CAP2: variants seen among roughly 807,000 people sequenced by gnomAD.
CAP2 encodes cyclase associated actin cytoskeleton regulatory protein 2.
Under a neutral mutation model 57.7 loss-of-function variants are expected in CAP2, and 24 were observed. That is an observed-to-expected ratio of 0.42 (90% CI 0.30 to 0.58). The LOEUF is 0.58. CAP2 is among the 20% of genes least tolerant of loss of function. The pLI is 0.22. For missense variants in CAP2, 501 were observed against 590.3 expected (o/e 0.85, Z 1.57); for synonymous variants, 194 against 207.2 (o/e 0.94, Z 0.55).
chr6:17,456,165 A>C (rs1007348614), intron 3 of CAP2, among the ~76,000 whole-genome samples: 2 of 152,202 alleles, frequency 1.3e-5, no homozygotes, highest in Admixed American at 1.3e-4. Flanking sequence ...GCCAACCCAA[A>C]TCTACCGAAT....
intron 3 of CAP2, among the ~76,000 whole-genome samples, chr6:17,448,548 T>C (rs1044932738): frequency 7.2e-5 from 11 of 152,262 alleles, no homozygotes; most frequent in African/African-American, 2.7e-4. Flanking sequence ...ATTCCCATAC[T>C]GTTTTAAATT....
chr6:17,415,558 A>C (rs909991109), intron 1 of CAP2, among the ~76,000 whole-genome samples: 1 of 152,232 alleles, frequency 6.6e-6, no homozygotes. Flanking sequence ...AAAGACAGTG[A>C]GTGGTAGCTA....
At chr6:17,413,721 G>A (rs986324511) in intron 1 of CAP2, among the ~76,000 whole-genome samples, 2 of 152,134 alleles carry the variant, frequency 1.3e-5, no homozygotes, top group Admixed American at 6.6e-5. Context: ...AGTTTCCTGG[G>A]AAATAAAAGA....
intron 7 of CAP2, among the ~76,000 whole-genome samples, chr6:17,529,651 A>AAAAAT (rs10656588): frequency 1.0e-4 from 14 of 134,526 alleles, no homozygotes; most frequent in South Asian, 7.0e-4. Flanking sequence ...AAAAAAAAAA[A>AAAAAT]ATATATATAT....
At chr6:17,424,400 T>C (rs1467824196) in intron 2 of CAP2, among the ~76,000 whole-genome samples, 1 of 151,910 alleles carries the variant, frequency 6.6e-6, no homozygotes, top group Non-Finnish European at 1.5e-5. Flanking sequence ...AGACTCCGTC[T>C]CAAAAAAAAG....
At chr6:17,541,512 G>A (rs1762900666) in intron 9 of CAP2, among the ~76,000 whole-genome samples, 1 of 151,878 alleles carries the variant, frequency 6.6e-6, no homozygotes, top group Non-Finnish European at 1.5e-5. Flanking sequence ...CCCGAGAGGT[G>A]GAGGTTGCAG....
intron 3 of CAP2, among the ~76,000 whole-genome samples, chr6:17,443,070 TC>T: frequency 6.6e-6 from 1 of 152,176 alleles, no homozygotes; most frequent in Non-Finnish European, 1.5e-5. Context: ...GCAACTTTCT[TC>T]CTAACATTTT....
intron 7 of CAP2, among the ~76,000 whole-genome samples, chr6:17,515,905 A>G (rs1581587280): frequency 6.6e-6 from 1 of 152,218 alleles, no homozygotes; most frequent in East Asian, 1.9e-4. Context: ...CGTGTGTTCC[A>G]GCAACCCCTC....
rs3777704 is a variant in CAP2, at chr6:17,497,974, G to A, written c.301-9195G>A. Among the ~76,000 whole-genome samples the A allele has an allele frequency of 1.7e-3, 253 of 152,336 alleles. 4 individuals carry two copies. Among genetic ancestry groups the A allele is most frequent in the East Asian group, 0.014 (70 of 5,178 alleles). On this transcript the variant is annotated intron_variant, in intron 4 of 12. Coordinates refer to ENST00000229922, the MANE Select transcript of CAP2 (RefSeq NM_006366.3). Reference sequence around the variant, plus strand: ...GCTATTGTGAGGCTATTGTAACATCGTGGGTCATTGTGTTAAACGTTTACA... The same window carrying A: ...GCTATTGTGAGGCTATTGTAACATCATGGGTCATTGTGTTAAACGTTTACA...
At chr6:17,460,739 G>A (rs1036811679) in intron 3 of CAP2, among the ~76,000 whole-genome samples, 2 of 152,040 alleles carry the variant, frequency 1.3e-5, no homozygotes, top group African/African-American at 4.8e-5. Flanking sequence ...ACATCTCTAC[G>A]ATTCAATCAT....
chr6:17,536,302 A>G (rs1274146826), intron 7 of CAP2: 1 of 456,758 alleles, frequency 2.2e-6, no homozygotes, highest in Non-Finnish European at 4.4e-6. Context: ...GATCCAGTGA[A>G]GGGAACATCT....
At chr6:17,507,518 C>T in intron 5 of CAP2, 123 bp from the exon 6 acceptor site, 3 of 790,730 alleles carry the variant, frequency 3.8e-6, no homozygotes, top group Non-Finnish European at 6.4e-6. Context: ...CTTTACAGAG[C>T]AACATGTGCC....
At chr6:17,456,145 G>A (rs112156034) in intron 3 of CAP2, among the ~76,000 whole-genome samples, 5 of 152,196 alleles carry the variant, frequency 3.3e-5, no homozygotes. Flanking sequence ...GTAGAAATGC[G>A]AATTCTCGGG....
rs192506098 is a variant in CAP2, at chr6:17,442,464, T to C, written c.222+15774T>C. ...TGAGCATGCCCAGGGCTGCTGTGCT[T>C]GGGGTGAATCACATTACCCTTGGGT... On this transcript the variant is annotated intron_variant, in intron 3 of 12. Transcript: ENST00000229922. Among the ~76,000 whole-genome samples the C allele has an allele frequency of 3.0e-3, 451 of 152,306 alleles. 2 individuals are homozygous for C. Among genetic ancestry groups the C allele is most frequent in the African/African-American group, 9.8e-3 (406 of 41,558 alleles).
chr6:17,489,911 T>C (rs1761506710), intron 4 of CAP2, among the ~76,000 whole-genome samples: 2 of 151,948 alleles, frequency 1.3e-5, no homozygotes, highest in South Asian at 4.2e-4. Context: ...AAAAGGGCAT[T>C]TTGGAAATGC....
intron 3 of CAP2, among the ~76,000 whole-genome samples, chr6:17,446,614 G>A (rs1203982973): frequency 6.6e-6 from 1 of 152,216 alleles, no homozygotes; most frequent in South Asian, 2.1e-4. Context: ...TACTGACGGT[G>A]GTCACCCTTG....
rs1020631272 is a variant in CAP2, at chr6:17,526,104, C to T, written c.636+12150C>T. ...ATAGATCATGTCTGTTTTTCAAAAG[C>T]TGCATGAAAATGTGTCTTTTTTTTT... On this transcript the variant is annotated intron_variant, in intron 7 of 12. Coordinates refer to ENST00000229922, the MANE Select transcript of CAP2 (RefSeq NM_006366.3). 9.9e-5 allele frequency among the ~76,000 whole-genome samples: 15 copies of T among 151,200 alleles called. 1 individual carries two copies. Among genetic ancestry groups the T allele is most frequent in the African/African-American group, 3.6e-4 (15 of 41,212 alleles).
At chr6:17,420,607 A>G (rs1759413749) in intron 1 of CAP2, among the ~76,000 whole-genome samples, 1 of 152,242 alleles carries the variant, frequency 6.6e-6, no homozygotes, top group South Asian at 2.1e-4. Flanking sequence ...ATTATTGGAA[A>G]TAGTGAAAAT....
At chr6:17,524,012 G>T (rs7741691) in intron 7 of CAP2, among the ~76,000 whole-genome samples, 38,183 of 149,610 alleles carry the variant, frequency 0.26, 5,969 homozygotes, top group African/African-American at 0.45. Flanking sequence ...GGAGGCAGAG[G>T]TTGCAGTGAG....
Sources: gnomAD v4.1 joint callset for allele counts (sites outside exome capture counted in the v4.1 genomes callset) on GRCh38, gnomAD v4.1.1 for gene constraint, MANE v1.5 for transcripts, NCBI Gene and HGNC (gene_info 2026-07-23, HGNC 2026-07-21) for gene names.